KMT2C: variants seen among roughly 807,000 people sequenced by gnomAD.
The protein encoded by KMT2C is histone-lysine N-methyltransferase 2C.
KMT2C carries 88 observed loss-of-function variants against 507.9 expected under a neutral mutation model. The observed-to-expected ratio is 0.17, with a 90% CI of 0.15 to 0.21. The LOEUF (loss-of-function observed/expected upper bound fraction) is 0.21. Among genes scored for constraint, KMT2C ranks in the 10% least tolerant of loss-of-function variants. The probability of loss-of-function intolerance (pLI) is 1.00; values close to 1 mark genes in which losing one functional copy is unlikely to be tolerated. For synonymous variants in KMT2C, 2,049 were observed against 2,080.8 expected (o/e 0.98, Z 0.42); for missense variants, 4,954 against 5,957.8 (o/e 0.83, Z 5.55).
At chr7:152,226,219 CTTTTTTTTT>C (rs869076803) in intron 18 of KMT2C, among the ~76,000 whole-genome samples, 116 of 94,946 alleles carry the variant, frequency 1.2e-3, no homozygotes, top group African/African-American at 4.5e-3. Context: ...ATTACAAGGC[CTTTTTTTTT>C]TTTTTTTTTT....
intron 2 of KMT2C, among the ~76,000 whole-genome samples, chr7:152,343,335 G>C (rs2097017395): frequency 6.6e-6 from 1 of 151,446 alleles, no homozygotes; most frequent in Non-Finnish European, 1.5e-5. Context: ...CAGAAATGAT[G>C]AATGCTTTTA....
chr7:152,174,310 A>G, intron 38 of KMT2C, 68 bp from the exon 39 acceptor site: 1 of 738,704 alleles, frequency 1.4e-6, no homozygotes, highest in Non-Finnish European at 2.3e-6. Flanking sequence ...AAGTAATTCA[A>G]ATATTACAAG....
At chr7:152,197,294 T>G in intron 27 of KMT2C, among the ~76,000 whole-genome samples, 1 of 152,302 alleles carries the variant, frequency 6.6e-6, no homozygotes, top group East Asian at 1.9e-4. Context: ...AAGAAACTAT[T>G]GGAACTCTTG....
rs1196938437 is a variant in KMT2C at position 152,435,873 on chromosome 7, C to A, written c.-87G>T. 1 of 1,349,266 alleles carries A rather than the reference C, an allele frequency of 7.4e-7. No individual in the cohort carries two copies. 83.6% of individuals were successfully genotyped at this position (1,349,266 alleles called of 1,614,324 possible). On this transcript the variant is annotated 5_prime_UTR_variant, in exon 1 of 59. Transcript: ENST00000262189. ...GGCCGCCGCCGCCGCCGCTGCTGCT[C>A]GGGTTCCTCCTCCCCGGCTCAGCCT...
chr7:152,247,624 T>C (rs1226665597), intron 14 of KMT2C, among the ~76,000 whole-genome samples: 4 of 152,290 alleles, frequency 2.6e-5, no homozygotes, highest in Non-Finnish European at 5.9e-5. Flanking sequence ...CTAAAAGAAT[T>C]TTTAAAGTTC....
intron 1 of KMT2C, among the ~76,000 whole-genome samples, chr7:152,361,843 G>C (rs2097200238): frequency 6.6e-6 from 1 of 152,084 alleles, no homozygotes; most frequent in Non-Finnish European, 1.5e-5. Flanking sequence ...AGAACAAAGA[G>C]AAATTGGTAA....
At chr7:152,354,990 G>C (rs946520150) in intron 2 of KMT2C, among the ~76,000 whole-genome samples, 3 of 152,204 alleles carry the variant, frequency 2.0e-5, no homozygotes, top group Non-Finnish European at 4.4e-5. Flanking sequence ...AAAGGAAAAA[G>C]ACCAGTTAGG....
intron 5 of KMT2C, among the ~76,000 whole-genome samples, chr7:152,310,906 G>C (rs915333284): frequency 2.5e-4 from 38 of 151,906 alleles, no homozygotes; most frequent in African/African-American, 8.9e-4. Flanking sequence ...GTCTGGTCTT[G>C]AACTCCTGAG....
intron 7 of KMT2C, among the ~76,000 whole-genome samples, chr7:152,271,920 C>T (rs538098043): frequency 8.9e-4 from 136 of 152,094 alleles, no homozygotes; most frequent in African/African-American, 3.1e-3. Flanking sequence ...ATTAAGGGCT[C>T]ATATTTCCTT....
chr7:152,386,611 C>T (rs563990345), intron 1 of KMT2C, among the ~76,000 whole-genome samples: 1 of 152,424 alleles, frequency 6.6e-6, no homozygotes, highest in Non-Finnish European at 1.5e-5. Flanking sequence ...CATGCAATCC[C>T]TCACCGCTTC....
intron 1 of KMT2C, among the ~76,000 whole-genome samples, chr7:152,393,590 G>A (rs1038654476): frequency 6.6e-6 from 1 of 152,102 alleles, no homozygotes; most frequent in Non-Finnish European, 1.5e-5. Flanking sequence ...GACATGGATG[G>A]ATACCAATCA....
In KMT2C at chr7:152,138,864, C is replaced by T. The variant is rs2090185583; in HGVS notation, c.14575G>A (p.Val4859Met). The T allele has an allele frequency of 2.5e-6, 4 of 1,613,796 alleles. No homozygotes were observed. The highest frequency in any genetic ancestry group is 3.4e-6 in the Non-Finnish European group (4 of 1,179,910). ...HSCAPNCVAEVVTFERGHKII... is the reference protein window; with the variant it reads ...HSCAPNCVAEMVTFERGHKII... ...TTGTGTCCTCTCTCAAAAGTCACCA[C>T]TTCAGCCACACAATTAGGTGCACAC... Residue 4859 changes from valine (V) to methionine (M), a missense_variant, in exon 58 of 59, where the codon GTG becomes ATG. Around this residue, in one of 29 missense-constraint regions of KMT2C, gnomAD observed 133 missense variants for 258.9 expected, o/e 0.51. Coordinates refer to ENST00000262189, the MANE Select transcript of KMT2C (RefSeq NM_170606.3). The surrounding 1 kb of genome is among the most constrained non-coding windows in gnomAD (Gnocchi z 4.2).
intron 18 of KMT2C, among the ~76,000 whole-genome samples, chr7:152,229,156 T>C (rs551000287): frequency 6.6e-6 from 1 of 152,300 alleles, no homozygotes; most frequent in East Asian, 1.9e-4. Context: ...CTGAGGTTAG[T>C]ATTTATATTA....
Position 152,135,457 on chromosome 7 carries a change from T to G in KMT2C, c.*1375A>C. On this transcript the variant is annotated 3_prime_UTR_variant, in exon 59 of 59. Transcript: ENST00000262189. ...CATACAAACACATTTTAAAATTACA[T>G]CTTCCAAAAACCCTATTGCCAGAGT... The G allele has an allele frequency of 4.5e-6, 1 of 220,048 alleles. No individual in the cohort carries two copies. The highest frequency in any genetic ancestry group is 5.8e-5 in the Admixed American group (1 of 17,356). The allele number at this position is 220,048 out of a possible 1,614,324, so 13.6% of individuals were successfully genotyped here.
At chr7:152,343,343 T>C (rs960626049) in intron 2 of KMT2C, among the ~76,000 whole-genome samples, 1 of 151,946 alleles carries the variant, frequency 6.6e-6, no homozygotes, top group Non-Finnish European at 1.5e-5. Flanking sequence ...ATGAATGCTT[T>C]TAGTGGGTCT....
intron 6 of KMT2C, among the ~76,000 whole-genome samples, chr7:152,305,412 G>C (rs1563795927): frequency 1.3e-5 from 2 of 152,214 alleles, no homozygotes; most frequent in South Asian, 4.1e-4. Flanking sequence ...AGGTGGATCT[G>C]CGTCTGCGTA....
chr7:152,415,557 C>G (rs984867016), intron 1 of KMT2C, among the ~76,000 whole-genome samples: 3 of 152,092 alleles, frequency 2.0e-5, no homozygotes, highest in Admixed American at 6.6e-5. Context: ...CAAAACACGA[C>G]TGGGCAATTC....
rs185659007 is a variant in KMT2C at position 152,297,685 on chromosome 7, T to A, written c.849+12281A>T. ...ATCATAAAAACAAAACCCAAAAGAA[T>A]GAAACGGTTTATAAGTAACTCAACT... On this transcript the variant is annotated intron_variant, in intron 6 of 58. Transcript: ENST00000262189. Among the ~76,000 whole-genome samples, 99 of 152,168 alleles carry A rather than the reference T, an allele frequency of 6.5e-4. 1 individual carries two copies. The highest frequency in any genetic ancestry group is 2.1e-3 in the African/African-American group (89 of 41,528).
chr7:152,327,957 C>CAAAAAAA (rs371396057), intron 3 of KMT2C, among the ~76,000 whole-genome samples: 12 of 78,416 alleles, frequency 1.5e-4, no homozygotes, highest in South Asian at 4.9e-4. Context: ...GACTCCGCCT[C>CAAAAAAA]AAAAAAAAAA....
Sources: allele counts gnomAD v4.1 joint callset (sites outside exome capture counted in the v4.1 genomes callset), GRCh38; gene constraint gnomAD v4.1.1; regional missense constraint gnomAD v4.1.1; non-coding constraint Gnocchi (gnomAD v3.1); transcripts MANE v1.5; gene names NCBI Gene and HGNC (gene_info 2026-07-23, HGNC 2026-07-21).